STAG2: variants seen among roughly 807,000 people sequenced by gnomAD.
The protein encoded by STAG2 is STAG2 cohesin complex component, also known as cohesin subunit SA-2.
Under a neutral mutation model 108.1 loss-of-function variants are expected in STAG2, and 14 were observed. That is an observed-to-expected ratio of 0.13 (90% CI 0.09 to 0.20). The LOEUF (loss-of-function observed/expected upper bound fraction) is 0.20, where lower values mean the gene tolerates loss of function less well. Ranked by LOEUF, STAG2 falls within the 10% of genes least tolerant of loss-of-function variation. The probability of loss-of-function intolerance (pLI) is 1.00; values close to 1 mark genes in which losing one functional copy is unlikely to be tolerated. For synonymous variants in STAG2, 307 were observed against 302.7 expected (o/e 1.01, Z -0.15); for missense variants, 440 against 940.9 (o/e 0.47, Z 6.96).
At chrX:123,967,223 GAAGA>G (rs755825286) in intron 1 of STAG2, among the ~76,000 whole-genome samples, 73 of 102,964 alleles carry the variant, frequency 7.1e-4, no homozygotes, top group Non-Finnish European at 1.3e-3. Context: ...TCCTTCTGCC[GAAGA>G]AAGAGAGGAT....
chrX:124,042,665 G>A lies in STAG2; in HGVS notation c.462+20G>A. ...GATGAGGTAACTTACTACCTTAAGT[G>A]TTTTGATAACTTATGCATGTTTATC... On this transcript the variant is annotated intron_variant, in intron 7 of 34. Transcript: ENST00000371145. The A allele has an allele frequency of 9.5e-7, 1 of 1,055,638 alleles. No homozygotes were observed. The highest frequency in any genetic ancestry group is 1.3e-6 in the Non-Finnish European group (1 of 755,496). 87.0% of individuals were successfully genotyped at this position (1,055,638 alleles called of 1,213,427 possible).
intron 3 of STAG2, among the ~76,000 whole-genome samples, chrX:124,023,893 C>T: frequency 9.0e-6 from 1 of 111,166 alleles, no homozygotes; most frequent in East Asian, 2.8e-4. Context: ...GGGTGCAGGG[C>T]ACAGTAAAGA....
chrX:124,006,292 G>A (rs1197809798), intron 1 of STAG2, among the ~76,000 whole-genome samples: 1 of 111,172 alleles, frequency 9.0e-6, no homozygotes, highest in African/African-American at 3.3e-5. Flanking sequence ...CAGGTGTAAG[G>A]TTACTGGTGG....
intron 13 of STAG2, among the ~76,000 whole-genome samples, chrX:124,052,589 T>C (rs1447321546): frequency 8.9e-6 from 1 of 111,796 alleles, no homozygotes; most frequent in Non-Finnish European, 1.9e-5. Flanking sequence ...TTGGACTGTT[T>C]CCAAATGTTA....
chrX:124,051,745 G>C (rs955275417), intron 13 of STAG2, among the ~76,000 whole-genome samples: 21 of 110,106 alleles, frequency 1.9e-4, no homozygotes, highest in East Asian at 2.9e-4. Context: ...CGCCCGCCAC[G>C]ACGCCTGGCT....
At chrX:124,040,150 C>T (rs2057661831) in intron 6 of STAG2, among the ~76,000 whole-genome samples, 1 of 111,186 alleles carries the variant, frequency 9.0e-6, no homozygotes, top group Non-Finnish European at 1.9e-5. Flanking sequence ...TTTAAGTATA[C>T]TTATTGTAAT....
intron 1 of STAG2, among the ~76,000 whole-genome samples, chrX:123,986,213 AT>A (rs1336240138): frequency 9.3e-6 from 1 of 107,359 alleles, no homozygotes; most frequent in African/African-American, 3.4e-5. Flanking sequence ...ATGTGTGTAT[AT>A]ATGGGAAATA....
At chrX:124,028,804 A>T (rs1485332392) in intron 4 of STAG2, among the ~76,000 whole-genome samples, 3 of 84,823 alleles carry the variant, frequency 3.5e-5, no homozygotes, top group African/African-American at 1.4e-4. Flanking sequence ...TTATATATAT[A>T]TATATATATA....
At chrX:124,085,560 G>A (rs756070120) in intron 29 of STAG2, among the ~76,000 whole-genome samples, 6 of 110,106 alleles carry the variant, frequency 5.4e-5, no homozygotes, top group Admixed American at 9.7e-5. Flanking sequence ...AGGTCAAGGC[G>A]GGCAGAGAGT....
intron 1 of STAG2, among the ~76,000 whole-genome samples, chrX:123,990,326 A>C (rs760887609): frequency 8.9e-6 from 1 of 111,856 alleles, no homozygotes; most frequent in Non-Finnish European, 1.9e-5. Context: ...CTCCTATGCA[A>C]ACTTTGTAAC....
chrX:124,075,571 G>A (rs1481102462), intron 25 of STAG2, among the ~76,000 whole-genome samples: 1 of 111,709 alleles, frequency 9.0e-6, no homozygotes, highest in East Asian at 2.8e-4. Context: ...ACCACACCCG[G>A]CCTGGGATAG....
chrX:124,036,342 T>G (rs1725006935), intron 5 of STAG2, among the ~76,000 whole-genome samples: 1 of 112,309 alleles, frequency 8.9e-6, no homozygotes, highest in Admixed American at 9.5e-5. Context: ...ATCTTGATTT[T>G]ATTTAATTTG....
At chrX:124,087,909 T>C (rs1408491103) in intron 30 of STAG2, among the ~76,000 whole-genome samples, 1 of 112,361 alleles carries the variant, frequency 8.9e-6, no homozygotes, top group Non-Finnish European at 1.9e-5. Context: ...GGCATAACCT[T>C]ATATTTCTAA....
At chrX:124,054,710 T>A (rs188719891) in intron 13 of STAG2, among the ~76,000 whole-genome samples, 2 of 111,877 alleles carry the variant, frequency 1.8e-5, no homozygotes, top group Non-Finnish European at 3.8e-5. Context: ...TTTCAAAAAG[T>A]TAAAATGAGT....
intron 13 of STAG2, among the ~76,000 whole-genome samples, chrX:124,054,308 T>C (rs781512696): frequency 8.9e-6 from 1 of 112,162 alleles, no homozygotes; most frequent in Non-Finnish European, 1.9e-5. Context: ...TGCAGCTCAG[T>C]GAGATGGTAG....
At chrX:123,963,986 G>GGTA (rs2053983589) in intron 1 of STAG2, among the ~76,000 whole-genome samples, 1 of 111,568 alleles carries the variant, frequency 9.0e-6, no homozygotes, top group Admixed American at 9.6e-5. Context: ...GTGGGTAGGA[G>GGTA]GTAGGTGTGA....
At chrX:124,082,486 C>T (rs961478928) in intron 28 of STAG2, among the ~76,000 whole-genome samples, 1 of 111,757 alleles carries the variant, frequency 8.9e-6, no homozygotes, top group Admixed American at 9.5e-5. Flanking sequence ...TATAAAAGTG[C>T]TAACTGTCTC....
At chrX:124,042,928 T>C (rs1191690070) in intron 7 of STAG2, among the ~76,000 whole-genome samples, 2 of 105,948 alleles carry the variant, frequency 1.9e-5, no homozygotes, top group African/African-American at 3.4e-5. Flanking sequence ...GATAGGAGAA[T>C]TGCTTGAACC....
intron 1 of STAG2, among the ~76,000 whole-genome samples, chrX:123,962,867 C>T (rs1431230676): frequency 9.0e-6 from 1 of 110,643 alleles, no homozygotes; most frequent in East Asian, 2.8e-4. Context: ...CACGGACCGC[C>T]GTATTTCGCA....
Sources: gnomAD v4.1 joint callset for allele counts (sites outside exome capture counted in the v4.1 genomes callset) on GRCh38, gnomAD v4.1.1 for gene constraint, MANE v1.5 for transcripts, NCBI Gene and HGNC (gene_info 2026-07-23, HGNC 2026-07-21) for gene names.